Variants in LRRC9 observed in about 807,000 individuals in gnomAD.
The protein encoded by LRRC9 is leucine rich repeat containing 9.
In LRRC9, 122 loss-of-function variants were observed where a neutral mutation model predicts 63.2. That is an observed-to-expected ratio of 1.93 (90% CI 1.67 to 2.24). LRRC9 has a LOEUF of 2.24. Among genes scored for constraint, LRRC9 ranks in the 30% most tolerant of loss-of-function variants. The pLI, the probability that LRRC9 is intolerant of heterozygous loss-of-function variation, is 0.00. For synonymous variants in LRRC9, 366 were observed against 213.1 expected (o/e 1.72, Z -6.25); for missense variants, 1,071 against 627.7 (o/e 1.71, Z -7.55).
At chr14:59,993,435 AT>A (rs1888391076) in intron 17 of LRRC9, among the ~76,000 whole-genome samples, 1 of 152,222 alleles carries the variant, frequency 6.6e-6, no homozygotes, top group African/African-American at 2.4e-5. Context: ...TAACATCATA[AT>A]GACAGGATCA....
At chr14:60,054,453 A>G (rs900461990) in intron 30 of LRRC9, among the ~76,000 whole-genome samples, 1 of 152,166 alleles carries the variant, frequency 6.6e-6, no homozygotes, top group Non-Finnish European at 1.5e-5. Flanking sequence ...GGGAGAAAAA[A>G]CTAAAATATG....
chr14:60,002,803 G>A (rs1366992286), intron 20 of LRRC9, among the ~76,000 whole-genome samples: 3 of 152,210 alleles, frequency 2.0e-5, no homozygotes, highest in East Asian at 3.9e-4. Context: ...TTCTAATTCC[G>A]TATTCTGATA....
At chr14:60,049,332 G>A (rs1323700154) in intron 29 of LRRC9, among the ~76,000 whole-genome samples, 1 of 152,168 alleles carries the variant, frequency 6.6e-6, no homozygotes, top group East Asian at 1.9e-4. Context: ...ACTTGTTTAT[G>A]TAGTTACTTC....
chr14:60,006,221 C>T (rs1166315917), intron 21 of LRRC9, among the ~76,000 whole-genome samples, 176 bp from the exon 22 acceptor site: 2 of 152,050 alleles, frequency 1.3e-5, no homozygotes, highest in Non-Finnish European at 2.9e-5. Flanking sequence ...GGGGCTTATA[C>T]ACAAGATTAT....
intron 29 of LRRC9, among the ~76,000 whole-genome samples, chr14:60,032,978 C>A (rs219410): frequency 1.3e-5 from 2 of 151,982 alleles, no homozygotes; most frequent in Non-Finnish European, 2.9e-5. Flanking sequence ...ATTCAACCTT[C>A]GCATTCATAA....
At chr14:60,013,065 C>T (rs552757350) in intron 23 of LRRC9, among the ~76,000 whole-genome samples, 225 of 150,454 alleles carry the variant, frequency 1.5e-3, no homozygotes, top group African/African-American at 5.0e-3. Context: ...CCCATTAACT[C>T]GTCATTTAGC....
intron 8 of LRRC9, among the ~76,000 whole-genome samples, chr14:59,959,096 C>A (rs562964827): frequency 1.4e-4 from 22 of 152,314 alleles, no homozygotes; most frequent in African/African-American, 5.3e-4. Context: ...CTTTAAATTA[C>A]ATAAGGCTGA....
intron 19 of LRRC9, among the ~76,000 whole-genome samples, chr14:60,000,602 G>A (rs1167652503): frequency 6.6e-6 from 1 of 152,092 alleles, no homozygotes; most frequent in Non-Finnish European, 1.5e-5. Flanking sequence ...TGCCTTTGTA[G>A]ATCAGGGAGA....
intron 18 of LRRC9, among the ~76,000 whole-genome samples, chr14:59,998,484 C>A (rs947516719): frequency 6.6e-6 from 1 of 151,838 alleles, no homozygotes; most frequent in Non-Finnish European, 1.5e-5. Flanking sequence ...TTAAGTATAT[C>A]TTCAAGTATT....
intron 22 of LRRC9, among the ~76,000 whole-genome samples, chr14:60,007,131 AC>A (rs1296334622): frequency 6.6e-6 from 1 of 152,190 alleles, no homozygotes; most frequent in Non-Finnish European, 1.5e-5. Flanking sequence ...ATTTTCTAAC[AC>A]TATGGGTCTT....
intron 23 of LRRC9, among the ~76,000 whole-genome samples, chr14:60,010,364 T>C (rs1890163304): frequency 6.6e-6 from 1 of 152,204 alleles, no homozygotes; most frequent in Non-Finnish European, 1.5e-5. Flanking sequence ...GCTTGAGCTA[T>C]ACATTGGCCC....
Position 60,053,539 on chromosome 14 carries a change from CTA to C in LRRC9, c.4131+337_4131+338del, listed in dbSNP as rs1489197720. Among the ~76,000 whole-genome samples, 1 of 152,072 alleles carries C rather than the reference CTA, an allele frequency of 6.6e-6. No individual in the cohort carries two copies. Among genetic ancestry groups the C allele is most frequent in the Non-Finnish European group, 1.5e-5 (1 of 68,010 alleles). ...TCAGATGATGCTAGAACATAGGAAA[CTA>C]TAACATATCACTTTCATAAATAGAA... On this transcript the variant is annotated intron_variant, in intron 30 of 31. Coordinates refer to ENST00000445360, the Ensembl canonical transcript of LRRC9. This position sits in a 1 kb window ranked among gnomAD's most constrained non-coding sequence, Gnocchi z 4.8.
intron 23 of LRRC9, among the ~76,000 whole-genome samples, chr14:60,009,922 G>A (rs757608800): frequency 1.1e-4 from 17 of 152,208 alleles, no homozygotes; most frequent in Non-Finnish European, 2.5e-4. Flanking sequence ...CTCACATCCA[G>A]GTCATGCTAA....
rs1884826719 is a variant in LRRC9, at chr14:59,966,044, A to C, written c.1212-545A>C. ...AGGAGCAGGTTTGGGGTGCAGTGTT[A>C]GTTATGTTAGGTTGGAGTCACCTGT... On this transcript the variant is annotated intron_variant, in intron 10 of 31. Transcript: ENST00000445360. This position sits in a 1 kb window ranked among gnomAD's most constrained non-coding sequence, Gnocchi z 4.0. Among the ~76,000 whole-genome samples the C allele has an allele frequency of 6.6e-6, 1 of 151,942 alleles. No homozygotes were observed. Among genetic ancestry groups the C allele is most frequent in the Non-Finnish European group, 1.5e-5 (1 of 68,002 alleles).
At position 59,938,467 on chromosome 14, in the gene LRRC9, T is replaced by G. The variant is rs1195302181; in HGVS notation, c.621T>G (p.Val207=). The G allele has an allele frequency of 1.4e-5, 10 of 698,392 alleles. No individual in the cohort carries two copies. Among genetic ancestry groups the G allele is most frequent in the East Asian group, 2.7e-5 (1 of 36,852 alleles). The allele number at this position is 698,392 out of a possible 1,614,324, so 43.3% of individuals were successfully genotyped here. The change falls in exon 7 of 32, where the codon GTT becomes GTG. Residue 207 remains valine (V), a synonymous_variant. Transcript: ENST00000445360. This position sits in a 1 kb window ranked among gnomAD's most constrained non-coding sequence, Gnocchi z 4.2. ...ACCCTCAATATACAACCAATCCAGT[T>G]TGTCTTCTGTGTAATTATTCCACAC...
rs1390901390 is a variant in LRRC9, at chr14:59,930,581, TATAATC to T, written c.268-332_268-327del. On this transcript the variant is annotated intron_variant, in intron 3 of 31. Coordinates refer to ENST00000445360, the Ensembl canonical transcript of LRRC9. The surrounding 1 kb of genome is among the most constrained non-coding windows in gnomAD (Gnocchi z 4.9). ...TAGGATTATAAAGTGCTTACATTGTTATAATCATAACCATATGATCATAATCATTTC... is the reference window on the plus strand; with the variant it reads ...TAGGATTATAAAGTGCTTACATTGTTATAACCATATGATCATAATCATTTC... Among the ~76,000 whole-genome samples, 2 of 151,902 alleles carry T rather than the reference TATAATC, an allele frequency of 1.3e-5. No homozygotes were observed. The highest frequency in any genetic ancestry group is 4.8e-5 in the African/African-American group (2 of 41,422).
At chr14:59,975,412 T>A (rs1312442853) in intron 13 of LRRC9, among the ~76,000 whole-genome samples, 1 of 151,826 alleles carries the variant, frequency 6.6e-6, no homozygotes, top group Admixed American at 6.6e-5. Context: ...TTTTTGATAA[T>A]TCATTCATAG....
rs766539129 is a variant in LRRC9 at position 60,053,115 on chromosome 14, C to T, written c.4041C>T (p.Asn1347=). 7 of 701,898 alleles carry T rather than the reference C, an allele frequency of 1.0e-5. No individual in the cohort carries two copies. The highest frequency in any genetic ancestry group is 8.9e-5 in the South Asian group (6 of 67,372). 43.5% of individuals were successfully genotyped at this position (701,898 alleles called of 1,614,324 possible). A position where few individuals can be genotyped will look rare whatever the true frequency, so the allele number is the denominator to read the frequency against. Residue 1347 remains asparagine (N), a synonymous_variant, in exon 30 of 32, where the codon AAC becomes AAT. Coordinates refer to ENST00000445360, the Ensembl canonical transcript of LRRC9. The surrounding 1 kb of genome is among the most constrained non-coding windows in gnomAD (Gnocchi z 4.8). Reference sequence around the variant, plus strand: ...ACATGCTTATATTTCGACTGCCTAACTTACAGATGTTAGATGGAAGTCCTG... The same window carrying T: ...ACATGCTTATATTTCGACTGCCTAATTTACAGATGTTAGATGGAAGTCCTG...
intron 5 of LRRC9, 37 bp downstream of exon 5, chr14:59,931,719 A>G (rs1265429744): frequency 6.1e-6 from 4 of 659,076 alleles, no homozygotes; most frequent in Non-Finnish European, 1.1e-5. Flanking sequence ...AGATAATGCT[A>G]TAATCATTTT....
Sources: gnomAD v4.1 joint callset for allele counts (sites outside exome capture counted in the v4.1 genomes callset) on GRCh38, gnomAD v4.1.1 for gene constraint, Gnocchi (gnomAD v3.1) non-coding constraint, MANE v1.5 for transcripts, NCBI Gene and HGNC (gene_info 2026-07-23, HGNC 2026-07-21) for gene names.